Variants in CUX2 observed in about 807,000 individuals in gnomAD.
CUX2 encodes the protein cut like homeobox 2.
In CUX2, 40 loss-of-function variants were observed where a neutral mutation model predicts 144.8. The ratio of observed to expected loss-of-function variants is 0.28; its 90% CI spans 0.21 to 0.36. The LOEUF (loss-of-function observed/expected upper bound fraction) is 0.36, where lower values mean the gene tolerates loss of function less well. Ranked by LOEUF, CUX2 falls within the 10% of genes least tolerant of loss-of-function variation. The pLI, the probability that CUX2 is intolerant of heterozygous loss-of-function variation, is 1.00. For missense variants in CUX2, 1,615 were observed against 1,994.0 expected (o/e 0.81, Z 3.62); for synonymous variants, 827 against 875.6 (o/e 0.94, Z 0.98).
At chr12:111,247,391 C>T (rs910684109) in intron 3 of CUX2, among the ~76,000 whole-genome samples, 12 of 152,324 alleles carry the variant, frequency 7.9e-5, no homozygotes, top group East Asian at 5.8e-4. Context: ...TTTGGGCAGC[C>T]GCCTTTCCAG....
In CUX2 at chr12:111,324,497, G is replaced by C. The variant is rs1414487656; in HGVS notation, c.2926+1917G>C. ...CCTTTCCTATTCTTTTTTTTGTTTT[G>C]TTTTGTTTTTGTTTTTGTTTTGAGA... On this transcript the variant is annotated intron_variant, in intron 18 of 21. Transcript: ENST00000261726. Among the ~76,000 whole-genome samples the C allele has an allele frequency of 4.0e-5, 6 of 151,000 alleles. No homozygotes were observed. In the East Asian group the frequency reaches 1.2e-3, roughly 30 times the overall value.
chr12:111,145,127 G>A (rs1465946448), intron 1 of CUX2, among the ~76,000 whole-genome samples: 1 of 152,108 alleles, frequency 6.6e-6, no homozygotes, highest in Non-Finnish European at 1.5e-5. Context: ...CTCTTTCCTC[G>A]AGCTGTCAGG....
chr12:111,073,595 A>T (rs1331224155), intron 1 of CUX2, among the ~76,000 whole-genome samples: 2 of 152,202 alleles, frequency 1.3e-5, no homozygotes, highest in South Asian at 4.1e-4. Flanking sequence ...TGTGCGTTGT[A>T]GGATGCTTAG....
At chr12:111,162,076 T>C (rs1338233905) in intron 1 of CUX2, among the ~76,000 whole-genome samples, 1 of 152,192 alleles carries the variant, frequency 6.6e-6, no homozygotes, top group African/African-American at 2.4e-5. Context: ...GGGGCGTTAC[T>C]GTTATGCCCA....
intron 3 of CUX2, among the ~76,000 whole-genome samples, chr12:111,233,866 TCA>T (rs771165268): frequency 1.3e-5 from 2 of 152,194 alleles, no homozygotes; most frequent in Non-Finnish European, 2.9e-5. Flanking sequence ...TGAGGTTACA[TCA>T]CAGTCTAGCG....
chr12:111,245,375 CA>C (rs577968235), intron 3 of CUX2, among the ~76,000 whole-genome samples: 1,823 of 147,754 alleles, frequency 0.012, 47 homozygotes, highest in African/African-American at 0.043. Context: ...CATCTCTACC[CA>C]AAAAAAAAAA....
rs1869337477 is a variant in CUX2 at position 111,034,773 on chromosome 12, G to A, written c.63+533G>A. 6.7e-6 allele frequency among the ~76,000 whole-genome samples: 1 copy of A among 149,892 alleles called. No individual in the cohort carries two copies. The highest frequency in any genetic ancestry group is 2.1e-4 in the South Asian group (1 of 4,834). Reference sequence around the variant, plus strand: ...AGGAGGAGGGAGCCGGGGTTGGCGAGGAGGCGGCTCCGCGCCCCGCCGCTC... The same window carrying A: ...AGGAGGAGGGAGCCGGGGTTGGCGAAGAGGCGGCTCCGCGCCCCGCCGCTC... On this transcript the variant is annotated intron_variant, in intron 1 of 21. Transcript: ENST00000261726. This position sits in a 1 kb window ranked among gnomAD's most constrained non-coding sequence, Gnocchi z 4.2.
chr12:111,103,618 C>T (rs1249929474), intron 1 of CUX2, among the ~76,000 whole-genome samples: 1 of 152,214 alleles, frequency 6.6e-6, no homozygotes, highest in Non-Finnish European at 1.5e-5. Flanking sequence ...ATAGACTTTT[C>T]AGGGACTTTG....
At chr12:111,291,361 C>T in intron 4 of CUX2, 57 bp from the exon 5 acceptor site, 1 of 1,529,638 alleles carries the variant, frequency 6.5e-7, no homozygotes, top group Non-Finnish European at 8.8e-7. Flanking sequence ...GCAGCCACAG[C>T]CCGGGTGTCC....
chr12:111,304,194 G>A lies in CUX2; in HGVS notation c.754-16G>A. 2 of 1,604,450 alleles carry A rather than the reference G, an allele frequency of 1.2e-6. No homozygotes were observed. Among genetic ancestry groups the A allele is most frequent in the South Asian group, 2.2e-5 (2 of 89,604 alleles). ...AGTGGGCTCACCTCTCGCCCACACT[G>A]TCCCCTTCTCCCCAGCGAGCTGAGG... On this transcript the variant is annotated splice_polypyrimidine_tract_variant and intron_variant, in intron 9 of 21. Transcript: ENST00000261726. This position sits in a 1 kb window ranked among gnomAD's most constrained non-coding sequence, Gnocchi z 4.7.
intron 3 of CUX2, among the ~76,000 whole-genome samples, chr12:111,260,528 A>G (rs1478739088): frequency 1.3e-5 from 2 of 152,118 alleles, no homozygotes; most frequent in East Asian, 3.9e-4. Context: ...TAGAAATGCT[A>G]TATTTTACAC....
At chr12:111,185,389 G>A (rs958837552) in intron 1 of CUX2, among the ~76,000 whole-genome samples, 4 of 152,178 alleles carry the variant, frequency 2.6e-5, no homozygotes, top group South Asian at 2.1e-4. Flanking sequence ...GGTGACCTTC[G>A]ATAAGCAATG....
intron 1 of CUX2, among the ~76,000 whole-genome samples, chr12:111,213,609 C>CA (rs1367027066): frequency 6.6e-6 from 1 of 152,144 alleles, no homozygotes; most frequent in Non-Finnish European, 1.5e-5. Context: ...GCGAGATACA[C>CA]AAAAGGTCAG....
At position 111,304,279 on chromosome 12, in the gene CUX2, C is replaced by T. The variant is rs927215294; in HGVS notation, c.823C>T (p.Arg275Cys). ...GCTGGCCTCTGTCAACAGCTCCATCCGCCTGGCTTGCTGCTCTCCCCAGGG... is the reference window on the plus strand; with the variant it reads ...GCTGGCCTCTGTCAACAGCTCCATCTGCCTGGCTTGCTGCTCTCCCCAGGG... ...EQLASVNSSI[R>C]LACCSPQGPS... is the part of the protein sequence containing the mutation. Residue 275 changes from arginine to cysteine, a missense_variant, in exon 10 of 22, where the codon CGC becomes TGC. Around this residue, in one of 12 missense-constraint regions of CUX2, gnomAD observed 295 missense variants for 400.2 expected, o/e 0.74. Transcript: ENST00000261726. This position sits in a 1 kb window ranked among gnomAD's most constrained non-coding sequence, Gnocchi z 4.7. The T allele has an allele frequency of 1.9e-6, 3 of 1,613,932 alleles. No individual in the cohort carries two copies. Among genetic ancestry groups the T allele is most frequent in the Non-Finnish European group, 2.5e-6 (3 of 1,179,956 alleles).
intron 1 of CUX2, among the ~76,000 whole-genome samples, chr12:111,043,092 AAAAC>A (rs1053502279): frequency 6.6e-6 from 1 of 152,236 alleles, no homozygotes; most frequent in African/African-American, 2.4e-5. Context: ...TTATATATAA[AAAAC>A]AAATACAATA....
intron 20 of CUX2, 140 bp from the exon 21 acceptor site, chr12:111,341,640 G>A: frequency 2.1e-6 from 2 of 957,494 alleles, no homozygotes. Context: ...AGAAAGGCTG[G>A]GGGGCGGGCC....
At chr12:111,193,006 C>G (rs1232261925) in intron 1 of CUX2, among the ~76,000 whole-genome samples, 1 of 152,156 alleles carries the variant, frequency 6.6e-6, no homozygotes, top group East Asian at 1.9e-4. Context: ...TTTTAAGCAC[C>G]TAAAAGGGTC....
intron 1 of CUX2, among the ~76,000 whole-genome samples, chr12:111,213,471 A>C (rs1881345258): frequency 6.6e-6 from 1 of 152,144 alleles, no homozygotes; most frequent in Admixed American, 6.5e-5. Context: ...GGTACATCCT[A>C]TAAAAACCTG....
At chr12:111,212,056 C>G (rs1382388600) in intron 1 of CUX2, among the ~76,000 whole-genome samples, 1 of 152,108 alleles carries the variant, frequency 6.6e-6, no homozygotes. Context: ...TCAAATTGAC[C>G]CTGGCCCTCC....
Sources: allele counts gnomAD v4.1 joint callset (sites outside exome capture counted in the v4.1 genomes callset), GRCh38; gene constraint gnomAD v4.1.1; regional missense constraint gnomAD v4.1.1; non-coding constraint Gnocchi (gnomAD v3.1); transcripts MANE v1.5; gene names NCBI Gene and HGNC (gene_info 2026-07-23, HGNC 2026-07-21).